FBXL7: variants seen among roughly 807,000 people sequenced by gnomAD.
FBXL7 encodes F-box and leucine rich repeat protein 7.
FBXL7 carries 12 observed loss-of-function variants against 38.3 expected under a neutral mutation model. That is an observed-to-expected ratio of 0.31 (90% confidence interval 0.20 to 0.51). The LOEUF (loss-of-function observed/expected upper bound fraction) is 0.51, where lower values mean the gene tolerates loss of function less well. Ranked by LOEUF, FBXL7 falls within the 20% of genes least tolerant of loss-of-function variation. The probability of loss-of-function intolerance (pLI) is 0.98; values close to 1 mark genes in which losing one functional copy is unlikely to be tolerated. For missense variants in FBXL7, 567 were observed against 676.4 expected, an observed-to-expected ratio of 0.84 and a Z score of 1.79; for synonymous variants, 297 against 300.9, an observed-to-expected ratio of 0.99 and a Z score of 0.13.
rs571179337 is a variant in FBXL7 at position 15,558,963 on chromosome 5, C to T, written c.38-57020C>T. Among the ~76,000 whole-genome samples the T allele has an allele frequency of 2.6e-5, 4 of 152,284 alleles. No homozygotes were observed. In the South Asian group the frequency reaches 8.3e-4, roughly 32 times the overall value. On this transcript the variant is annotated intron_variant, in intron 1 of 3. Coordinates refer to ENST00000504595, the MANE Select transcript of FBXL7 (RefSeq NM_012304.5). ...ACAAGGTACTTAACTCGTCGTGGGT[C>T]ATGACAGGAATCAAATGAATTAATA...
chr5:15,533,015 T>A lies in FBXL7; in HGVS notation c.37+32302T>A, dbSNP rs187913511. On this transcript the variant is annotated intron_variant, in intron 1 of 3. Transcript: ENST00000504595. ...GGAGATGCAGGGAGAGGATCAAGAT[T>A]TGGGGAAGGCTAATGTGTTACAGAC... 1.3e-3 allele frequency among the ~76,000 whole-genome samples: 205 copies of A among 152,166 alleles called. 2 individuals carry two copies. Among genetic ancestry groups the A allele is most frequent in the African/African-American group, 4.6e-3 (192 of 41,504 alleles).
intron 2 of FBXL7, among the ~76,000 whole-genome samples, chr5:15,921,115 C>G (rs1741728705): frequency 6.6e-6 from 1 of 152,118 alleles, no homozygotes; most frequent in South Asian, 2.1e-4. Context: ...GGAACAGTGG[C>G]TCACGCCTGT....
chr5:15,638,751 G>T (rs554292979), intron 2 of FBXL7, among the ~76,000 whole-genome samples: 13 of 152,094 alleles, frequency 8.5e-5, no homozygotes, highest in Non-Finnish European at 1.9e-4. Context: ...CCATCGGTCC[G>T]TATATCAACC....
chr5:15,889,148 C>T (rs1032620596), intron 2 of FBXL7, among the ~76,000 whole-genome samples: 1 of 152,010 alleles, frequency 6.6e-6, no homozygotes, highest in Admixed American at 6.6e-5. Context: ...TGGTATAATC[C>T]ACTAGGAAGG....
Position 15,846,131 on chromosome 5 carries a change from A to G in FBXL7, c.128-81759A>G, listed in dbSNP as rs59192924. Among the ~76,000 whole-genome samples, 246 of 152,368 alleles carry G rather than the reference A, an allele frequency of 1.6e-3. 3 individuals are homozygous for G. In the East Asian group the frequency reaches 0.042, roughly 26 times the overall value. ...AATACACAATTATTCAAATATGTAG[A>G]TAACAAACATTTGATCAAGCAGGGT... On this transcript the variant is annotated intron_variant, in intron 2 of 3. Transcript: ENST00000504595.
chr5:15,843,906 T>C (rs1002060928), intron 2 of FBXL7, among the ~76,000 whole-genome samples: 2 of 151,052 alleles, frequency 1.3e-5, no homozygotes, highest in African/African-American at 4.8e-5. Context: ...TTAGAAACTA[T>C]ATATAGTATA....
chr5:15,681,271 A>G (rs1431484761), intron 2 of FBXL7, among the ~76,000 whole-genome samples: 1 of 152,236 alleles, frequency 6.6e-6, no homozygotes, highest in East Asian at 1.9e-4. Flanking sequence ...TTACATGTTT[A>G]TTAACTTTAG....
At chr5:15,634,423 G>A (rs1054831889) in intron 2 of FBXL7, among the ~76,000 whole-genome samples, 11 of 146,896 alleles carry the variant, frequency 7.5e-5, no homozygotes, top group African/African-American at 2.8e-4. Flanking sequence ...CGAAGTTCAA[G>A]CAATTCTCCT....
At chr5:15,897,482 G>A (rs1169287775) in intron 2 of FBXL7, among the ~76,000 whole-genome samples, 1 of 152,186 alleles carries the variant, frequency 6.6e-6, no homozygotes, top group Non-Finnish European at 1.5e-5. Context: ...CATAGAACAT[G>A]CTGTAATAGT....
At chr5:15,657,595 A>G (rs1460377002) in intron 2 of FBXL7, among the ~76,000 whole-genome samples, 1 of 152,118 alleles carries the variant, frequency 6.6e-6, no homozygotes, top group Non-Finnish European at 1.5e-5. Flanking sequence ...GCACTTTGGG[A>G]GGCCAAGACA....
At chr5:15,791,836 A>G (rs1737285308) in intron 2 of FBXL7, among the ~76,000 whole-genome samples, 1 of 152,112 alleles carries the variant, frequency 6.6e-6, no homozygotes, top group Non-Finnish European at 1.5e-5. Context: ...GCCAGAGAGC[A>G]AAGGAGCCTT....
At chr5:15,892,790 G>A (rs1486648248) in intron 2 of FBXL7, among the ~76,000 whole-genome samples, 1 of 152,170 alleles carries the variant, frequency 6.6e-6, no homozygotes, top group Admixed American at 6.5e-5. Context: ...ATGCTGTGAG[G>A]TGGAAACTAT....
At chr5:15,617,422 C>CATTTATTTATTT (rs3032718) in intron 2 of FBXL7, among the ~76,000 whole-genome samples, 73 of 142,822 alleles carry the variant, frequency 5.1e-4, no homozygotes, top group Non-Finnish European at 5.9e-4. Flanking sequence ...TGATTCTAGA[C>CATTTATTTATTT]ATTTATTTAT....
At chr5:15,567,050 A>T (rs1007341449) in intron 1 of FBXL7, among the ~76,000 whole-genome samples, 1 of 152,010 alleles carries the variant, frequency 6.6e-6, no homozygotes, top group Non-Finnish European at 1.5e-5. Context: ...ATCTTACCAC[A>T]CTCATAACAA....
intron 1 of FBXL7, among the ~76,000 whole-genome samples, chr5:15,559,147 G>T (rs886438748): frequency 3.3e-5 from 5 of 152,168 alleles, no homozygotes; most frequent in African/African-American, 9.7e-5. Flanking sequence ...GAACATAAAA[G>T]ATGGAAACTA....
intron 2 of FBXL7, among the ~76,000 whole-genome samples, chr5:15,793,192 T>C (rs929687613): frequency 7.9e-5 from 12 of 152,168 alleles, no homozygotes; most frequent in Non-Finnish European, 1.3e-4. Context: ...CTTCCTCTCC[T>C]AGGGCCGCTG....
chr5:15,678,472 T>A (rs183065451), intron 2 of FBXL7, among the ~76,000 whole-genome samples: 3 of 152,202 alleles, frequency 2.0e-5, no homozygotes, highest in Non-Finnish European at 2.9e-5. Flanking sequence ...ATGGTGTATG[T>A]GGGTTAGCAA....
At chr5:15,531,018 GAT>G (rs1737404309) in intron 1 of FBXL7, among the ~76,000 whole-genome samples, 1 of 152,182 alleles carries the variant, frequency 6.6e-6, no homozygotes, top group Admixed American at 6.5e-5. Context: ...CTTAGGCACA[GAT>G]ATGCCGTAGA....
intron 2 of FBXL7, among the ~76,000 whole-genome samples, chr5:15,712,951 A>C (rs1356916637): frequency 6.6e-6 from 1 of 152,194 alleles, no homozygotes; most frequent in East Asian, 1.9e-4. Context: ...CTAGAATTTC[A>C]GGTCTCCCAC....
Sources: allele counts gnomAD v4.1 joint callset (sites outside exome capture counted in the v4.1 genomes callset), GRCh38; gene constraint gnomAD v4.1.1; transcripts MANE v1.5; gene names NCBI Gene and HGNC (gene_info 2026-07-23, HGNC 2026-07-21).